IQCM: variants seen among roughly 807,000 people sequenced by gnomAD.
The protein encoded by IQCM is IQ domain-containing protein M.
IQCM carries 45 observed loss-of-function variants against 57.6 expected under a neutral mutation model. That is an observed-to-expected ratio of 0.78 (90% CI 0.62 to 1.00). IQCM has a LOEUF of 1.00. Among genes scored for constraint, IQCM ranks in the 50% least tolerant of loss-of-function variants. The probability of loss-of-function intolerance (pLI) is 0.00; values close to 1 mark genes in which losing one functional copy is unlikely to be tolerated. For synonymous variants in IQCM, 148 were observed against 158.9 expected, an observed-to-expected ratio of 0.93 and a Z score of 0.51; for missense variants, 468 against 511.6, an observed-to-expected ratio of 0.91 and a Z score of 0.82.
intron 7 of IQCM, among the ~76,000 whole-genome samples, chr4:149,659,434 T>C (rs375282664): frequency 1.3e-5 from 2 of 151,894 alleles, no homozygotes; most frequent in Non-Finnish European, 2.9e-5. Context: ...CAATGCCATC[T>C]CCATCAAGCT....
intron 2 of IQCM, among the ~76,000 whole-genome samples, chr4:149,783,508 T>C (rs962632756): frequency 6.6e-6 from 1 of 152,190 alleles, no homozygotes; most frequent in African/African-American, 2.4e-5. Flanking sequence ...GCAACAAGAA[T>C]AATCATTTAA....
Position 149,562,826 on chromosome 4 carries a change from T to C in IQCM, c.948+866A>G, listed in dbSNP as rs1750258409. ...TTATACCCAGAGATAGGCAGATGGA[T>C]TAACTCTAACAGTATCACCACATTG... On this transcript the variant is annotated intron_variant, in intron 10 of 13. Transcript: ENST00000636793. 3.3e-5 allele frequency among the ~76,000 whole-genome samples: 5 copies of C among 152,326 alleles called. No homozygotes were observed. In the South Asian group the frequency reaches 1.0e-3, roughly 32 times the overall value.
intron 8 of IQCM, among the ~76,000 whole-genome samples, chr4:149,591,359 A>G (rs1753145084): frequency 1.3e-5 from 2 of 152,094 alleles, no homozygotes; most frequent in South Asian, 2.1e-4. Flanking sequence ...AATTATAGAT[A>G]CATTTCATTT....
intron 2 of IQCM, among the ~76,000 whole-genome samples, chr4:149,745,255 T>A (rs1289669956): frequency 1.3e-5 from 2 of 152,162 alleles, no homozygotes; most frequent in Non-Finnish European, 2.9e-5. Context: ...AGGGCTACAT[T>A]TTATGCTGCT....
chr4:149,693,157 A>T (rs1239394444), intron 5 of IQCM, among the ~76,000 whole-genome samples: 3 of 152,152 alleles, frequency 2.0e-5, no homozygotes, highest in Admixed American at 1.3e-4. Flanking sequence ...ATTCAATTTC[A>T]TTCACTTCTG....
chr4:149,490,050 A>G (rs1344095635), intron 12 of IQCM, among the ~76,000 whole-genome samples: 6 of 152,046 alleles, frequency 3.9e-5, no homozygotes, highest in Non-Finnish European at 7.4e-5. Flanking sequence ...TACAAACACT[A>G]GAAGCAGTTT....
At chr4:149,790,072 A>C (rs373901679) in intron 2 of IQCM, 1 of 592,002 alleles carries the variant, frequency 1.7e-6, no homozygotes, top group East Asian at 3.4e-5. Context: ...CTTCACCAGG[A>C]ACTTCATCTG....
chr4:149,404,927 T>C (rs144403048), intron 13 of IQCM, among the ~76,000 whole-genome samples: 171 of 152,204 alleles, frequency 1.1e-3, no homozygotes, highest in African/African-American at 4.0e-3. Context: ...GTATTCTATA[T>C]AGCAAGCATA....
At chr4:149,798,295 T>G (rs1009371527) in intron 2 of IQCM, among the ~76,000 whole-genome samples, 1 of 151,932 alleles carries the variant, frequency 6.6e-6, no homozygotes, top group South Asian at 2.1e-4. Flanking sequence ...GGTTATAAAA[T>G]AGTATTTGCA....
intron 13 of IQCM, among the ~76,000 whole-genome samples, chr4:149,428,144 T>C (rs746744293): frequency 1.4e-4 from 21 of 151,794 alleles, no homozygotes; most frequent in Non-Finnish European, 2.9e-4. Context: ...AGCTCAAAAT[T>C]AAGCTTAGTT....
chr4:149,592,657 G>C (rs962051433), intron 8 of IQCM, among the ~76,000 whole-genome samples: 2 of 143,822 alleles, frequency 1.4e-5, no homozygotes, highest in African/African-American at 4.9e-5. Flanking sequence ...AAGGGATCCA[G>C]TTTCAGCTTT....
At chr4:149,750,382 A>G (rs1443290361) in intron 2 of IQCM, among the ~76,000 whole-genome samples, 1 of 152,224 alleles carries the variant, frequency 6.6e-6, no homozygotes, top group African/African-American at 2.4e-5. Context: ...GCTTTCCTTG[A>G]ACAAAATGTT....
At chr4:149,491,906 C>A (rs1299030704) in intron 12 of IQCM, among the ~76,000 whole-genome samples, 1 of 151,994 alleles carries the variant, frequency 6.6e-6, no homozygotes, top group African/African-American at 2.4e-5. Context: ...TCTACATCAT[C>A]TCCAGCATTT....
chr4:149,471,573 A>T (rs1213340984), intron 12 of IQCM, among the ~76,000 whole-genome samples: 3 of 152,246 alleles, frequency 2.0e-5, no homozygotes, highest in Non-Finnish European at 4.4e-5. Flanking sequence ...TTCTGAAAGT[A>T]TTCCAATCAA....
intron 12 of IQCM, among the ~76,000 whole-genome samples, chr4:149,516,959 T>A (rs1189680992): frequency 1.3e-5 from 2 of 151,994 alleles, no homozygotes; most frequent in Non-Finnish European, 2.9e-5. Context: ...CAAAGGTAAG[T>A]AAGAGTATGC....
chr4:149,570,065 A>G (rs1190550393), intron 9 of IQCM, among the ~76,000 whole-genome samples: 1 of 151,942 alleles, frequency 6.6e-6, no homozygotes, highest in African/African-American at 2.4e-5. Context: ...AAATGTTCAT[A>G]TATATAATAA....
chr4:149,708,292 T>C (rs1197146189), intron 5 of IQCM, among the ~76,000 whole-genome samples: 5 of 152,066 alleles, frequency 3.3e-5, no homozygotes, highest in Non-Finnish European at 5.9e-5. Flanking sequence ...TTACAAGTTA[T>C]ACTTATATCC....
At chr4:149,394,274 A>G (rs1285554234) in intron 13 of IQCM, among the ~76,000 whole-genome samples, 1 of 151,846 alleles carries the variant, frequency 6.6e-6, no homozygotes, top group Non-Finnish European at 1.5e-5. Flanking sequence ...TTTCTTTGAT[A>G]ATCTTCTCTT....
intron 13 of IQCM, among the ~76,000 whole-genome samples, chr4:149,406,925 G>T (rs1310473330): frequency 6.6e-6 from 1 of 151,980 alleles, no homozygotes; most frequent in Non-Finnish European, 1.5e-5. Flanking sequence ...CATGATCATG[G>T]TGGAAGGCGA....
Sources: allele counts gnomAD v4.1 joint callset (sites outside exome capture counted in the v4.1 genomes callset), GRCh38; gene constraint gnomAD v4.1.1; transcripts MANE v1.5; gene names NCBI Gene and HGNC (gene_info 2026-07-23, HGNC 2026-07-21).